LAMA3: variants seen among roughly 807,000 people sequenced by gnomAD.
LAMA3 encodes the protein laminin subunit alpha 3, also known as laminin subunit alpha-3.
In LAMA3, 281 loss-of-function variants were observed where a neutral mutation model predicts 402.0. The ratio of observed to expected loss-of-function variants is 0.70; its 90% CI spans 0.63 to 0.77. The LOEUF is 0.77. Ranked by LOEUF, LAMA3 falls within the 30% of genes least tolerant of loss-of-function variation. LAMA3 has a pLI of 0.00. For missense variants in LAMA3, 3,840 were observed against 4,215.5 expected, an observed-to-expected ratio of 0.91 and a Z score of 2.47; for synonymous variants, 1,431 against 1,558.4, an observed-to-expected ratio of 0.92 and a Z score of 1.93.
At chr18:23,795,232 G>A (rs1395725101) in intron 12 of LAMA3, among the ~76,000 whole-genome samples, 2 of 152,206 alleles carry the variant, frequency 1.3e-5, no homozygotes, top group African/African-American at 4.8e-5. Flanking sequence ...TTAGAAGACA[G>A]GGAAAAGATT....
At chr18:23,951,481 A>G (rs1033647825) in intron 72 of LAMA3, among the ~76,000 whole-genome samples, 1 of 152,162 alleles carries the variant, frequency 6.6e-6, no homozygotes, top group Non-Finnish European at 1.5e-5. Context: ...ACCCTGGTTT[A>G]TAGTTGCCTG....
intron 32 of LAMA3, among the ~76,000 whole-genome samples, chr18:23,851,139 C>CAATTTCTTTGAT (rs1204413811): frequency 2.0e-5 from 3 of 152,216 alleles, no homozygotes; most frequent in Non-Finnish European, 4.4e-5. Flanking sequence ...CTTGGAGAGG[C>CAATTTCTTTGAT]AATTTCTTTG....
chr18:23,713,493 G>C (rs2061035708), intron 1 of LAMA3, among the ~76,000 whole-genome samples: 1 of 152,228 alleles, frequency 6.6e-6, no homozygotes, highest in African/African-American at 2.4e-5. Context: ...GCACCACTGG[G>C]ACTGTGGGGA....
rs35733609 is a variant in LAMA3, at chr18:23,846,500, G to A, written c.3923G>A (p.Arg1308His). Reference protein sequence around the residue: ...RCATGHYGFPRCKPCSCGRRL... With the variant: ...RCATGHYGFPHCKPCSCGRRL... The stretch of plus-strand genomic sequence containing the variant: ...GCAACAGGCCACTACGGATTCCCAC[G>A]CTGCAAGCGTAAGTGCACGTTTCCC... The change falls in exon 31 of 75, where the codon CGC (arginine) becomes CAC (histidine). Residue 1308 changes from arginine (R) to histidine (H), a missense_variant. By Grantham distance (29) the Arg-to-His change is conservative. Around this residue, in one of 3 missense-constraint regions of LAMA3, gnomAD observed 2,109 missense variants for 2,376.0 expected, o/e 0.89. Coordinates refer to ENST00000313654, the MANE Select transcript of LAMA3 (RefSeq NM_198129.4). 56 of 1,608,144 alleles carry A rather than the reference G, an allele frequency of 3.5e-5. No individual in the cohort carries two copies. In the African/African-American group the frequency reaches 3.7e-4, roughly 11 times the overall value.
chr18:23,819,726 TA>T, intron 18 of LAMA3, 114 bp from the exon 19 acceptor site: 1 of 906,042 alleles, frequency 1.1e-6, no homozygotes, highest in Non-Finnish European at 1.8e-6. Context: ...GTCCTTTATT[TA>T]ATGTACTCTG....
At chr18:23,732,874 A>G (rs2061416508) in intron 2 of LAMA3, among the ~76,000 whole-genome samples, 1 of 152,116 alleles carries the variant, frequency 6.6e-6, no homozygotes, top group Non-Finnish European at 1.5e-5. Flanking sequence ...ACCTGGCACA[A>G]ACTAAATCCT....
At chr18:23,799,287 C>T (rs953074698) in intron 12 of LAMA3, among the ~76,000 whole-genome samples, 21 of 152,238 alleles carry the variant, frequency 1.4e-4, no homozygotes, top group African/African-American at 4.8e-4. Context: ...CTCCAAGGGA[C>T]CTAGAGCAAA....
chr18:23,774,552 A>G (rs1166272667), intron 9 of LAMA3, among the ~76,000 whole-genome samples: 1 of 152,212 alleles, frequency 6.6e-6, no homozygotes, highest in Non-Finnish European at 1.5e-5. Context: ...TCTATTATAC[A>G]GAAGAATGCC....
intron 1 of LAMA3, among the ~76,000 whole-genome samples, chr18:23,692,011 C>T (rs868179036): frequency 6.6e-6 from 1 of 152,168 alleles, no homozygotes; most frequent in African/African-American, 2.4e-5. Context: ...TGTAGAACCC[C>T]TTGTTAAAAA....
At chr18:23,711,346 T>A (rs187695119) in intron 1 of LAMA3, among the ~76,000 whole-genome samples, 1 of 152,322 alleles carries the variant, frequency 6.6e-6, no homozygotes, top group Admixed American at 6.5e-5. Flanking sequence ...GCCTACTAAT[T>A]GTGAGATCAA....
chr18:23,770,303 C>G (rs777346602), intron 8 of LAMA3, among the ~76,000 whole-genome samples: 12 of 151,596 alleles, frequency 7.9e-5, no homozygotes, highest in Non-Finnish European at 1.8e-4. Flanking sequence ...AAGTTACAGA[C>G]AGAAAATATT....
intron 67 of LAMA3, among the ~76,000 whole-genome samples, chr18:23,938,620 G>A (rs1348754642): frequency 1.3e-5 from 2 of 151,446 alleles, no homozygotes; most frequent in African/African-American, 4.9e-5. Flanking sequence ...GTGGCCACAG[G>A]TTTGCAGTTC....
intron 12 of LAMA3, among the ~76,000 whole-genome samples, chr18:23,806,461 C>T (rs2062964263): frequency 6.6e-6 from 1 of 152,106 alleles, no homozygotes; most frequent in Non-Finnish European, 1.5e-5. Context: ...TGAAGAGAAT[C>T]AGTGGGGTCT....
At chr18:23,733,933 GC>G (rs1368453879) in intron 2 of LAMA3, among the ~76,000 whole-genome samples, 1 of 152,154 alleles carries the variant, frequency 6.6e-6, no homozygotes, top group African/African-American at 2.4e-5. Flanking sequence ...CAGAATTATA[GC>G]CTGGGAATCT....
At chr18:23,870,865 T>G (rs2064496418) in intron 37 of LAMA3, among the ~76,000 whole-genome samples, 1 of 151,962 alleles carries the variant, frequency 6.6e-6, no homozygotes, top group Non-Finnish European at 1.5e-5. Context: ...GGGTATGGAG[T>G]TTCCCTTTTG....
At chr18:23,841,782 C>G (rs993861708) in intron 27 of LAMA3, among the ~76,000 whole-genome samples, 3 of 152,062 alleles carry the variant, frequency 2.0e-5, no homozygotes, top group African/African-American at 7.2e-5. Context: ...ATTACCCAGG[C>G]ATGATGGCAC....
At chr18:23,903,853 A>G (rs2081152557) in intron 49 of LAMA3, 80 bp from the exon 50 acceptor site, 1 of 1,130,848 alleles carries the variant, frequency 8.8e-7, no homozygotes, top group Non-Finnish European at 1.3e-6. Flanking sequence ...GAAACACATC[A>G]GTTATGATAG....
chr18:23,743,289 A>G (rs918384367), intron 2 of LAMA3, among the ~76,000 whole-genome samples: 2 of 152,216 alleles, frequency 1.3e-5, no homozygotes, highest in African/African-American at 4.8e-5. Flanking sequence ...GACAGGGCAG[A>G]GATATCCCCC....
chr18:23,933,383 A>AT (rs904601504), intron 66 of LAMA3, among the ~76,000 whole-genome samples: 1 of 152,138 alleles, frequency 6.6e-6, no homozygotes, highest in Non-Finnish European at 1.5e-5. Context: ...AGAATGTGTA[A>AT]TTTTTAAAAA....
Sources: gnomAD v4.1 joint callset for allele counts (sites outside exome capture counted in the v4.1 genomes callset) on GRCh38, gnomAD v4.1.1 for gene constraint, gnomAD v4.1.1 regional missense constraint, MANE v1.5 for transcripts, NCBI Gene and HGNC (gene_info 2026-07-23, HGNC 2026-07-21) for gene names.